Variants in USP13 observed in about 807,000 individuals in gnomAD.
The protein encoded by USP13 is ubiquitin specific peptidase 13.
USP13 carries 68 observed loss-of-function variants against 107.8 expected under a neutral mutation model. The observed-to-expected ratio is 0.63, with a 90% confidence interval of 0.52 to 0.77. The LOEUF is 0.77. USP13 is among the 30% of genes least tolerant of loss of function. The pLI, the probability that USP13 is intolerant of heterozygous loss-of-function variation, is 0.00. For synonymous variants in USP13, 377 were observed against 389.5 expected (o/e 0.97, Z 0.38); for missense variants, 945 against 1,093.3 (o/e 0.86, Z 1.91).
rs945186825 is a variant in USP13 at position 179,787,111 on chromosome 3, G to T, written c.*2970G>T. 2 of 152,202 alleles carry T rather than the reference G, an allele frequency of 1.3e-5. No homozygotes were observed. Among genetic ancestry groups the T allele is most frequent in the African/African-American group, 4.8e-5 (2 of 41,444 alleles). 9.4% of individuals were successfully genotyped at this position (152,202 alleles called of 1,614,324 possible). On this transcript the variant is annotated 3_prime_UTR_variant, in exon 21 of 21. Coordinates refer to ENST00000263966, the MANE Select transcript of USP13 (RefSeq NM_003940.3). ...ACATCAACGTTGCTTCAATATTTTG[G>T]AATTGACCAGGCTGCTTTCTCCTAC...
At chr3:179,745,616 C>G (rs938753573) in intron 13 of USP13, among the ~76,000 whole-genome samples, 1 of 151,736 alleles carries the variant, frequency 6.6e-6, no homozygotes, top group African/African-American at 2.4e-5. Context: ...AGCCAAGAAA[C>G]AATCCCCTAC....
At position 179,786,977 on chromosome 3, in the gene USP13, C is replaced by G. The variant is rs1488712408; in HGVS notation, c.*2836C>G. 1.3e-5 allele frequency: 2 copies of G among 151,900 alleles called. No homozygotes were observed. Among genetic ancestry groups the G allele is most frequent in the Non-Finnish European group, 2.9e-5 (2 of 68,002 alleles). 9.4% of individuals were successfully genotyped at this position (151,900 alleles called of 1,614,324 possible). A position where few individuals can be genotyped will look rare whatever the true frequency, so the allele number is the denominator to read the frequency against. On this transcript the variant is annotated 3_prime_UTR_variant, in exon 21 of 21. Transcript: ENST00000263966. ...TTATTTTGCCAATTGATCTAAATGC[C>G]CATATAACTAATCAGAAATCCAGTT... is the stretch of plus-strand genomic sequence containing the variant.
intron 10 of USP13, among the ~76,000 whole-genome samples, chr3:179,737,025 A>C (rs1388463672): frequency 6.6e-6 from 1 of 152,234 alleles, no homozygotes; most frequent in Non-Finnish European, 1.5e-5. Context: ...TGGTGCCTCC[A>C]TACTCTTCAA....
chr3:179,659,870 C>T (rs1054272366), intron 1 of USP13, among the ~76,000 whole-genome samples: 2 of 152,038 alleles, frequency 1.3e-5, no homozygotes, highest in Non-Finnish European at 2.9e-5. Context: ...GGTGAAACCC[C>T]GTCTCTACTA....
At chr3:179,722,163 C>G (rs1713348269) in intron 8 of USP13, among the ~76,000 whole-genome samples, 1 of 151,944 alleles carries the variant, frequency 6.6e-6, no homozygotes, top group Admixed American at 6.6e-5. Context: ...CCCTATGTAC[C>G]AAGAATATAT....
At chr3:179,725,746 T>A (rs1416200931) in intron 8 of USP13, among the ~76,000 whole-genome samples, 1 of 152,244 alleles carries the variant, frequency 6.6e-6, no homozygotes, top group African/African-American at 2.4e-5. Flanking sequence ...CTTTTACATG[T>A]CAGATGCTGT....
At chr3:179,702,173 T>C (rs9838020) in intron 4 of USP13, among the ~76,000 whole-genome samples, 135,021 of 152,128 alleles carry the variant, frequency 0.89, 60,284 homozygotes, top group Non-Finnish European at 0.94. Flanking sequence ...GCGCCCGCCA[T>C]CACGCCTAGA....
At chr3:179,700,863 G>A (rs145130887) in intron 3 of USP13, 145 bp from the exon 4 acceptor site, 7 of 898,276 alleles carry the variant, frequency 7.8e-6, no homozygotes, top group South Asian at 7.1e-5. Flanking sequence ...ACAGATGGAC[G>A]GCCCTGTCAG....
At chr3:179,725,286 T>C (rs1414391895) in intron 8 of USP13, among the ~76,000 whole-genome samples, 7 of 151,774 alleles carry the variant, frequency 4.6e-5, no homozygotes, top group Non-Finnish European at 1.0e-4. Context: ...TTAGTGTTCA[T>C]CTTTCCAGTG....
At chr3:179,749,789 T>G (rs1714531661) in intron 13 of USP13, among the ~76,000 whole-genome samples, 2 of 152,196 alleles carry the variant, frequency 1.3e-5, no homozygotes, top group South Asian at 2.1e-4. Context: ...ATTATGGTAT[T>G]ACAGCTAACA....
intron 19 of USP13, among the ~76,000 whole-genome samples, chr3:179,771,577 C>G (rs1174621012): frequency 1.3e-5 from 2 of 152,164 alleles, no homozygotes; most frequent in African/African-American, 4.8e-5. Flanking sequence ...AACAGGACAT[C>G]CAGGTGATTC....
chr3:179,728,127 T>C (rs1224382279), intron 8 of USP13, among the ~76,000 whole-genome samples: 1 of 112,926 alleles, frequency 8.9e-6, no homozygotes, highest in East Asian at 3.0e-4. Flanking sequence ...GAGGGGCTCC[T>C]CACTTCCCAG....
chr3:179,728,896 C>T (rs1030630033), intron 8 of USP13, among the ~76,000 whole-genome samples: 2 of 142,998 alleles, frequency 1.4e-5, no homozygotes, highest in Admixed American at 1.5e-4. Context: ...GCAGGAGAAT[C>T]AGGCAGCAGT....
In USP13 at chr3:179,706,917, C is replaced by A. The variant is rs372168068; in HGVS notation, c.478-17C>A. The stretch of plus-strand genomic sequence containing the variant: ...CTCAAACTGTTTTTATATATTACAT[C>A]TGGGTTTGTCTTATAGGTAACAATT... On this transcript the variant is annotated splice_polypyrimidine_tract_variant and intron_variant, in intron 4 of 20. Transcript: ENST00000263966. The A allele has an allele frequency of 1.9e-6, 3 of 1,600,878 alleles. No homozygotes were observed. The highest frequency in any genetic ancestry group is 1.3e-5 in the African/African-American group (1 of 74,284).
At chr3:179,736,691 G>A (rs956584069) in intron 10 of USP13, among the ~76,000 whole-genome samples, 1 of 152,240 alleles carries the variant, frequency 6.6e-6, no homozygotes, top group Non-Finnish European at 1.5e-5. Context: ...TCACAGAAGT[G>A]TGGGAGGGGA....
chr3:179,783,086 G>A (rs1037618195), intron 20 of USP13, among the ~76,000 whole-genome samples: 27 of 152,004 alleles, frequency 1.8e-4, no homozygotes, highest in African/African-American at 5.1e-4. Context: ...TTACAAACAC[G>A]ATAGCGCTTT....
Position 179,786,758 on chromosome 3 carries a change from T to C in USP13, c.*2617T>C, listed in dbSNP as rs989703923. The C allele has an allele frequency of 1.3e-5, 2 of 152,232 alleles. No homozygotes were observed. The highest frequency in any genetic ancestry group is 2.9e-5 in the Non-Finnish European group (2 of 68,034). The allele number at this position is 152,232 out of a possible 1,614,324, so 9.4% of individuals were successfully genotyped here. ...TTTGTGACTGAAAAGTGGAATAACG[T>C]GTGGATTTTGTCAACTCATTATCAG... On this transcript the variant is annotated 3_prime_UTR_variant, in exon 21 of 21. Coordinates refer to ENST00000263966, the MANE Select transcript of USP13 (RefSeq NM_003940.3).
chr3:179,705,963 T>C (rs1466176694), intron 4 of USP13, among the ~76,000 whole-genome samples: 1 of 152,178 alleles, frequency 6.6e-6, no homozygotes, highest in Non-Finnish European at 1.5e-5. Flanking sequence ...CCTCAAGTGA[T>C]CTGCTGGTCT....
chr3:179,772,381 C>T (rs2284885), intron 19 of USP13, among the ~76,000 whole-genome samples: 4,048 of 152,348 alleles, frequency 0.027, 116 homozygotes, highest in Middle Eastern at 0.14. Context: ...TGTGATTACT[C>T]AGAGCCTGCT....
Sources: gnomAD v4.1 joint callset for allele counts (sites outside exome capture counted in the v4.1 genomes callset) on GRCh38, gnomAD v4.1.1 for gene constraint, MANE v1.5 for transcripts, NCBI Gene and HGNC (gene_info 2026-07-23, HGNC 2026-07-21) for gene names.